Variants in SGIP1 observed in about 807,000 individuals in gnomAD.
SGIP1 encodes SH3-containing GRB2-like protein 3-interacting protein 1.
SGIP1 carries 38 observed loss-of-function variants against 107.5 expected under a neutral mutation model. The observed-to-expected ratio is 0.35, with a 90% CI of 0.27 to 0.46. The LOEUF (loss-of-function observed/expected upper bound fraction) is 0.46, where lower values mean the gene tolerates loss of function less well. SGIP1 is among the 20% of genes least tolerant of loss of function. The pLI is 1.00. For missense variants in SGIP1, 929 were observed against 1,019.5 expected (o/e 0.91, Z 1.21); for synonymous variants, 365 against 366.1 (o/e 1.00, Z 0.03).
At chr1:66,671,452 T>TA (rs2083783231) in intron 10 of SGIP1, among the ~76,000 whole-genome samples, 1 of 152,158 alleles carries the variant, frequency 6.6e-6, no homozygotes, top group Non-Finnish European at 1.5e-5. Flanking sequence ...ATAATACACA[T>TA]AGGGCACAAT....
At chr1:66,602,126 A>T (rs1041917505) in intron 1 of SGIP1, among the ~76,000 whole-genome samples, 3 of 152,200 alleles carry the variant, frequency 2.0e-5, no homozygotes, top group African/African-American at 4.8e-5. Context: ...GGCCTCTCAG[A>T]CCCCTGGGAT....
intron 19 of SGIP1, among the ~76,000 whole-genome samples, chr1:66,725,615 C>A (rs1290416015): frequency 1.3e-5 from 2 of 152,250 alleles, no homozygotes; most frequent in African/African-American, 4.8e-5. Context: ...AGTAACAGAC[C>A]AATTTACCCT....
chr1:66,678,523 T>A (rs1034179502), intron 13 of SGIP1, among the ~76,000 whole-genome samples: 4 of 152,178 alleles, frequency 2.6e-5, no homozygotes, highest in African/African-American at 9.7e-5. Context: ...TTGGCAGAGA[T>A]CCTTAATCAG....
chr1:66,577,354 A>C (rs2061207016), intron 1 of SGIP1, among the ~76,000 whole-genome samples: 1 of 152,072 alleles, frequency 6.6e-6, no homozygotes, highest in African/African-American at 2.4e-5. Context: ...CCTTAAAAGA[A>C]TGTTTGTTGT....
At chr1:66,664,847 G>A (rs12407460) in intron 8 of SGIP1, among the ~76,000 whole-genome samples, 11,713 of 152,150 alleles carry the variant, frequency 0.077, 473 homozygotes, top group South Asian at 0.098. Flanking sequence ...TGTTTATATC[G>A]GAAAGCTCCT....
chr1:66,586,299 T>C (rs1260540195), intron 1 of SGIP1, among the ~76,000 whole-genome samples: 1 of 152,190 alleles, frequency 6.6e-6, no homozygotes, highest in East Asian at 1.9e-4. Flanking sequence ...GACCAATCTT[T>C]ATCTTTTAGT....
chr1:66,726,413 C>A (rs115374923), intron 19 of SGIP1, among the ~76,000 whole-genome samples: 1,848 of 152,204 alleles, frequency 0.012, 40 homozygotes, highest in African/African-American at 0.042. Context: ...ATTCAAAGGG[C>A]CTACCATAGC....
intron 16 of SGIP1, 93 bp downstream of exon 16, chr1:66,689,368 G>T: frequency 6.8e-7 from 1 of 1,467,882 alleles, no homozygotes; most frequent in Non-Finnish European, 9.2e-7. Context: ...TAGAGAACTC[G>T]TACAAACAAC....
chr1:66,695,271 A>AAAAAAAAAATT, intron 17 of SGIP1, 163 bp from the exon 18 acceptor site: 3 of 1,325,964 alleles, frequency 2.3e-6, no homozygotes, highest in Non-Finnish European at 3.0e-6. Flanking sequence ...AAAAAAAAAA[A>AAAAAAAAAATT]GTGTAGATTG....
intron 7 of SGIP1, among the ~76,000 whole-genome samples, chr1:66,659,427 G>A (rs1405448895): frequency 3.9e-5 from 6 of 152,202 alleles, no homozygotes; most frequent in African/African-American, 1.4e-4. Context: ...TCTAGCCATG[G>A]TGACTTGGGA....
chr1:66,703,795 A>G (rs1172833634), intron 18 of SGIP1, among the ~76,000 whole-genome samples: 3 of 151,708 alleles, frequency 2.0e-5, no homozygotes, highest in African/African-American at 7.3e-5. Flanking sequence ...TGTATATGAT[A>G]TATATGAAAT....
At chr1:66,741,189 C>T (rs1332651486) in intron 23 of SGIP1, 83 bp from the exon 24 acceptor site, 5 of 1,362,310 alleles carry the variant, frequency 3.7e-6, no homozygotes, top group South Asian at 1.7e-5. Context: ...TGATTTTGTA[C>T]GTTAACTTTT....
chr1:66,683,681 CTGTT>C (rs930428284), intron 15 of SGIP1, among the ~76,000 whole-genome samples: 1 of 109,860 alleles, frequency 9.1e-6, no homozygotes, highest in African/African-American at 3.0e-5. Flanking sequence ...GGGCACCACA[CTGTT>C]TGTTTGTTTC....
At chr1:66,552,359 A>T (rs1275199721) in intron 1 of SGIP1, among the ~76,000 whole-genome samples, 3 of 152,102 alleles carry the variant, frequency 2.0e-5, no homozygotes, top group Non-Finnish European at 1.5e-5. Context: ...GCTACCCTTG[A>T]TGCTTCCACC....
At chr1:66,609,796 G>A (rs1405126170) in intron 1 of SGIP1, among the ~76,000 whole-genome samples, 4 of 152,158 alleles carry the variant, frequency 2.6e-5, no homozygotes, top group Non-Finnish European at 1.5e-5. Context: ...AATTTATCTT[G>A]TAAATGTGAC....
chr1:66,633,586 AG>A (rs1456003630), intron 3 of SGIP1, among the ~76,000 whole-genome samples: 2 of 152,218 alleles, frequency 1.3e-5, no homozygotes, highest in Non-Finnish European at 2.9e-5. Context: ...CTGAATTTAC[AG>A]CCTGAAAGAG....
intron 18 of SGIP1, among the ~76,000 whole-genome samples, chr1:66,698,356 G>A (rs2091316283): frequency 6.7e-6 from 1 of 149,772 alleles, no homozygotes; most frequent in African/African-American, 2.5e-5. Flanking sequence ...GAAAAAAACA[G>A]TAAAGATTGC....
In SGIP1 at chr1:66,750,023, G is replaced by C. The variant is rs12754127; in HGVS notation, c.*6928G>C. 2.4e-3 allele frequency among the ~76,000 whole-genome samples: 145 copies of C among 61,180 alleles called. No individual in the cohort carries two copies. Among genetic ancestry groups the C allele is most frequent in the African/African-American group, 9.2e-3 (122 of 13,284 alleles). The allele number at this position is 61,180 out of a possible 152,430, so 40.1% of individuals were successfully genotyped here. A position where few individuals can be genotyped will look rare whatever the true frequency, so the allele number is the denominator to read the frequency against. ...TCTCTCTCTCTCTCTCTCTTTCTCT[G>C]TGTGTGTGTGGGGGTGTGTGTGTGT... On this transcript the variant is annotated 3_prime_UTR_variant, in exon 25 of 25. Transcript: ENST00000371037.
At chr1:66,675,464 T>C (rs1300736076) in intron 12 of SGIP1, among the ~76,000 whole-genome samples, 1 of 152,026 alleles carries the variant, frequency 6.6e-6, no homozygotes, top group Non-Finnish European at 1.5e-5. Context: ...CTTTTGTATC[T>C]ACTCATTCTT....
Sources: allele counts gnomAD v4.1 joint callset (sites outside exome capture counted in the v4.1 genomes callset), GRCh38; gene constraint gnomAD v4.1.1; transcripts MANE v1.5; gene names NCBI Gene and HGNC (gene_info 2026-07-23, HGNC 2026-07-21).